MYO3A: variants seen among roughly 807,000 people sequenced by gnomAD.
The protein encoded by MYO3A is myosin IIIA, also known as myosin-IIIa.
A neutral mutation model predicts 192.7 loss-of-function variants in MYO3A; 180 were observed. The ratio of observed to expected loss-of-function variants is 0.93; its 90% confidence interval spans 0.83 to 1.06. The LOEUF (loss-of-function observed/expected upper bound fraction) is 1.06, where lower values mean the gene tolerates loss of function less well. Among genes scored for constraint, MYO3A ranks in the 50% least tolerant of loss-of-function variants. MYO3A has a pLI of 0.00. For synonymous variants in MYO3A, 628 were observed against 645.3 expected (o/e 0.97, Z 0.41); for missense variants, 1,896 against 1,905.0 (o/e 1.00, Z 0.09).
intron 10 of MYO3A, among the ~76,000 whole-genome samples, chr10:26,029,657 T>C (rs1156710536): frequency 1.3e-5 from 2 of 152,160 alleles, no homozygotes; most frequent in Non-Finnish European, 2.9e-5. Context: ...ATATCTGACT[T>C]TTTATGTCTG....
chr10:26,027,860 A>C (rs1842626863), intron 10 of MYO3A, among the ~76,000 whole-genome samples: 1 of 152,174 alleles, frequency 6.6e-6, no homozygotes, highest in Admixed American at 6.5e-5. Flanking sequence ...TACTCTCTCA[A>C]GTAACTGTGT....
rs202148563 is a variant in MYO3A at position 25,956,668 on chromosome 10, A to AAT, written c.303+1663_303+1664dup. Among the ~76,000 whole-genome samples, 27 of 152,046 alleles carry AAT rather than the reference A, an allele frequency of 1.8e-4. 1 individual carries two copies. The East Asian group carries it at 4.6e-3, about 26-fold the overall frequency. On this transcript the variant is annotated intron_variant, in intron 4 of 34. Coordinates refer to ENST00000642920, the MANE Select transcript of MYO3A (RefSeq NM_017433.5). Reference sequence around the variant, plus strand: ...CAAATAATAGATGATCATTGTAGAAAATATTTGATCCTATTAAAAAATTCT... The same window carrying AAT: ...CAAATAATAGATGATCATTGTAGAAAATATATTTGATCCTATTAAAAAATTCT...
At chr10:26,050,833 G>A (rs181488904) in intron 10 of MYO3A, among the ~76,000 whole-genome samples, 12 of 152,194 alleles carry the variant, frequency 7.9e-5, no homozygotes, top group African/African-American at 2.9e-4. Flanking sequence ...ACCCAAAAGG[G>A]ATTTCCATAT....
At chr10:26,159,678 T>C (rs534797769) in intron 26 of MYO3A, among the ~76,000 whole-genome samples, 1 of 152,340 alleles carries the variant, frequency 6.6e-6, no homozygotes, top group African/African-American at 2.4e-5. Flanking sequence ...TGCACCCAGC[T>C]GATTTTGGTT....
At chr10:26,092,733 G>A (rs1836775841) in intron 15 of MYO3A, among the ~76,000 whole-genome samples, 1 of 152,304 alleles carries the variant, frequency 6.6e-6, no homozygotes, top group South Asian at 2.1e-4. Flanking sequence ...CCACAAGTAG[G>A]AATGAGGCCA....
chr10:25,983,263 T>G (rs1020338969), intron 4 of MYO3A, among the ~76,000 whole-genome samples: 3 of 149,676 alleles, frequency 2.0e-5, no homozygotes, highest in African/African-American at 7.3e-5. Flanking sequence ...TGATTTTTGT[T>G]TTTTTTTTTT....
chr10:26,003,854 A>G (rs755574395), intron 6 of MYO3A, among the ~76,000 whole-genome samples: 47 of 152,160 alleles, frequency 3.1e-4, no homozygotes, highest in Non-Finnish European at 5.9e-4. Flanking sequence ...TTCTTATGAC[A>G]GAATATTTTA....
At chr10:26,205,884 G>A (rs1843909753) in intron 34 of MYO3A, among the ~76,000 whole-genome samples, 1 of 151,974 alleles carries the variant, frequency 6.6e-6, no homozygotes, top group Admixed American at 6.6e-5. Context: ...CTCCCAAAAT[G>A]CTGGGATTAC....
chr10:26,005,314 A>T (rs1841117793), intron 6 of MYO3A, among the ~76,000 whole-genome samples: 1 of 135,070 alleles, frequency 7.4e-6, no homozygotes, highest in Non-Finnish European at 1.6e-5. Context: ...CTGAAATCTT[A>T]AAAAAAAATG....
chr10:26,120,046 T>G (rs937334909), intron 17 of MYO3A, among the ~76,000 whole-genome samples: 1 of 150,398 alleles, frequency 6.6e-6, no homozygotes, highest in Admixed American at 6.6e-5. Context: ...CATGCAACTG[T>G]ACATCTACAC....
intron 10 of MYO3A, among the ~76,000 whole-genome samples, chr10:26,027,634 T>G (rs1842614818): frequency 6.6e-6 from 1 of 152,200 alleles, no homozygotes; most frequent in African/African-American, 2.4e-5. Flanking sequence ...CATGAGCCAC[T>G]GCGCCCAGCC....
intron 6 of MYO3A, among the ~76,000 whole-genome samples, chr10:26,009,048 A>G (rs1443472463): frequency 6.6e-6 from 1 of 152,104 alleles, no homozygotes; most frequent in Non-Finnish European, 1.5e-5. Flanking sequence ...CTATGCAGCC[A>G]TAAAAAGGAT....
chr10:25,950,205 C>A (rs1188933936), intron 2 of MYO3A, among the ~76,000 whole-genome samples: 1 of 152,144 alleles, frequency 6.6e-6, no homozygotes, highest in Admixed American at 6.5e-5. Flanking sequence ...TGAGGACAAA[C>A]AGCAGTTACC....
rs573334201 is a variant in MYO3A, at chr10:26,062,515, C to CAAAAAAA, written c.954-4448_954-4442dup. On this transcript the variant is annotated intron_variant, in intron 10 of 34. Coordinates refer to ENST00000642920, the MANE Select transcript of MYO3A (RefSeq NM_017433.5). The stretch of plus-strand genomic sequence containing the variant: ...CTGGCGACAGAGTGAGATGCCATCT[C>CAAAAAAA]AAAAAAAAAAAAAAAAAATTATGGA... Among the ~76,000 whole-genome samples the CAAAAAAA allele has an allele frequency of 5.4e-4, 23 of 42,212 alleles. 1 individual carries two copies. Among genetic ancestry groups the CAAAAAAA allele is most frequent in the Non-Finnish European group, 9.4e-4 (15 of 16,018 alleles). The allele number at this position is 42,212 out of a possible 152,430, so 27.7% of individuals were successfully genotyped here.
At chr10:26,008,942 G>A (rs4749089) in intron 6 of MYO3A, among the ~76,000 whole-genome samples, 66,926 of 150,754 alleles carry the variant, frequency 0.44, 15,808 homozygotes, top group East Asian at 0.62. Flanking sequence ...TGTTTATTGC[G>A]GCACTATTCA....
intron 31 of MYO3A, among the ~76,000 whole-genome samples, chr10:26,183,750 A>C (rs1174704447): frequency 2.0e-5 from 3 of 152,060 alleles, no homozygotes; most frequent in African/African-American, 7.2e-5. Flanking sequence ...TGGGGGTGGC[A>C]GTTGCCTCTT....
rs1409048970 is a variant in MYO3A at position 26,178,508 on chromosome 10, G to A, written c.4438+1663G>A. The stretch of plus-strand genomic sequence containing the variant: ...GTGGAAGTTGCAGTGAGCCGAAATC[G>A]TGCCACTGCACTCCAGCCTGGGTGA... On this transcript the variant is annotated intron_variant, in intron 31 of 34. Transcript: ENST00000642920. Among the ~76,000 whole-genome samples, 6 of 150,742 alleles carry A rather than the reference G, an allele frequency of 4.0e-5. No individual in the cohort carries two copies. In the East Asian group the frequency reaches 7.9e-4, roughly 20 times the overall value.
intron 23 of MYO3A, among the ~76,000 whole-genome samples, chr10:26,149,837 C>G (rs867022465): frequency 1.8e-4 from 28 of 152,176 alleles, no homozygotes; most frequent in African/African-American, 5.5e-4. Context: ...GACATTTTAT[C>G]CTTTGACCAG....
At chr10:26,074,279 A>T (rs1487618421) in intron 14 of MYO3A, among the ~76,000 whole-genome samples, 1 of 152,106 alleles carries the variant, frequency 6.6e-6, no homozygotes, top group Admixed American at 6.6e-5. Context: ...ACAACTACTT[A>T]ATTGAATTTA....
Sources: allele counts gnomAD v4.1 joint callset (sites outside exome capture counted in the v4.1 genomes callset), GRCh38; gene constraint gnomAD v4.1.1; transcripts MANE v1.5; gene names NCBI Gene and HGNC (gene_info 2026-07-23, HGNC 2026-07-21).